Variants in GRID1 observed in about 807,000 individuals in gnomAD.
GRID1 encodes the protein glutamate receptor ionotropic, delta-1.
In GRID1, 28 loss-of-function variants were observed where a neutral mutation model predicts 98.0. That is an observed-to-expected ratio of 0.29 (90% CI 0.21 to 0.39). GRID1 has a LOEUF of 0.39. Among genes scored for constraint, GRID1 ranks in the 10% least tolerant of loss-of-function variants. The pLI is 1.00. For missense variants in GRID1, 1,111 were observed against 1,340.5 expected (o/e 0.83, Z 2.67); for synonymous variants, 553 against 538.5 (o/e 1.03, Z -0.37).
At chr10:86,127,876 C>CATCCACAG (rs558279969) in intron 4 of GRID1, among the ~76,000 whole-genome samples, 6 of 152,166 alleles carry the variant, frequency 3.9e-5, no homozygotes, top group Non-Finnish European at 8.8e-5. Context: ...AGCCAAACAC[C>CATCCACAG]ATCCACAGGC....
intron 8 of GRID1, among the ~76,000 whole-genome samples, chr10:85,738,723 G>C (rs552048352): frequency 6.6e-6 from 1 of 152,266 alleles, no homozygotes; most frequent in African/African-American, 2.4e-5. Context: ...AAAGCATTAC[G>C]CCAAGTGAAT....
intron 4 of GRID1, among the ~76,000 whole-genome samples, chr10:86,070,794 TACAG>T (rs1843792689): frequency 6.6e-6 from 1 of 152,340 alleles, no homozygotes; most frequent in South Asian, 2.1e-4. Context: ...GCCCAGCTGA[TACAG>T]AGAGTAACAG....
chr10:86,081,277 C>A (rs183298020), intron 4 of GRID1, among the ~76,000 whole-genome samples: 1 of 152,168 alleles, frequency 6.6e-6, no homozygotes, highest in East Asian at 1.9e-4. Context: ...CAAAGAGGGC[C>A]GTGCAGAGAT....
rs1554836176 is a variant in GRID1 at position 85,865,916 on chromosome 10, T to TATATATATATATATATAC, written c.951+3093_951+3094insGTATATATATATATATAT. ...ATAAAGTGTTTTACATATATACATATATATATATATATATATATATATATA... is the reference window on the plus strand; with the variant it reads ...ATAAAGTGTTTTACATATATACATATATATATATATATATATACATATATATATATATATATATATATA... On this transcript the variant is annotated intron_variant, in intron 6 of 15. Transcript: ENST00000327946. Among the ~76,000 whole-genome samples, 580 of 83,016 alleles carry TATATATATATATATATAC rather than the reference T, an allele frequency of 7.0e-3. 29 individuals carry two copies. In the East Asian group the frequency reaches 0.13, roughly 18 times the overall value. 54.5% of individuals were successfully genotyped at this position (83,016 alleles called of 152,430 possible).
intron 4 of GRID1, among the ~76,000 whole-genome samples, chr10:85,968,524 T>C (rs923065535): frequency 4.0e-5 from 6 of 149,842 alleles, no homozygotes. Context: ...TTCAAATGTA[T>C]AAATATGCAA....
rs116389186 is a variant in GRID1 at position 85,730,397 on chromosome 10, G to A, written c.1234-783C>T. Among the ~76,000 whole-genome samples the A allele has an allele frequency of 3.1e-3, 465 of 152,268 alleles. 3 individuals are homozygous for A. Among genetic ancestry groups the A allele is most frequent in the African/African-American group, 0.011 (443 of 41,556 alleles). ...ACGACAAAACTTTTGTCTGGGAAACGATTCTCGACTATTAATGGGGAAGAC... is the reference window on the plus strand; with the variant it reads ...ACGACAAAACTTTTGTCTGGGAAACAATTCTCGACTATTAATGGGGAAGAC... On this transcript the variant is annotated intron_variant, in intron 8 of 15. Coordinates refer to ENST00000327946, the MANE Select transcript of GRID1 (RefSeq NM_017551.3).
chr10:86,330,876 C>T lies in GRID1; in HGVS notation c.235+33065G>A, dbSNP rs563380497. 1.2e-4 allele frequency among the ~76,000 whole-genome samples: 18 copies of T among 152,334 alleles called. No individual in the cohort carries two copies. In the South Asian group the frequency reaches 2.5e-3, roughly 21 times the overall value. Reference sequence around the variant, plus strand: ...GGCAGGTGATGGCTCATCTCACAGACGTCACCTTGCAGGAGCTTAGCCTCA... The same window carrying T: ...GGCAGGTGATGGCTCATCTCACAGATGTCACCTTGCAGGAGCTTAGCCTCA... On this transcript the variant is annotated intron_variant, in intron 2 of 15. Coordinates refer to ENST00000327946, the MANE Select transcript of GRID1 (RefSeq NM_017551.3).
chr10:86,075,624 T>C (rs951364098), intron 4 of GRID1, among the ~76,000 whole-genome samples: 1 of 152,114 alleles, frequency 6.6e-6, no homozygotes, highest in Non-Finnish European at 1.5e-5. Context: ...CACAGCAAGG[T>C]TCCTCCAGGT....
chr10:85,720,665 AAAG>A (rs1451985279), intron 12 of GRID1, among the ~76,000 whole-genome samples: 1 of 151,506 alleles, frequency 6.6e-6, no homozygotes, highest in Non-Finnish European at 1.5e-5. Context: ...AAAGAAAAGA[AAAG>A]AAGAGAAAAA....
intron 7 of GRID1, among the ~76,000 whole-genome samples, chr10:85,854,956 C>T (rs910838781): frequency 6.6e-6 from 1 of 152,200 alleles, no homozygotes; most frequent in Non-Finnish European, 1.5e-5. Flanking sequence ...TTAGTCCTCC[C>T]CTTGCAATCA....
intron 3 of GRID1, among the ~76,000 whole-genome samples, chr10:86,190,416 T>C (rs889894275): frequency 1.1e-4 from 17 of 152,044 alleles, no homozygotes; most frequent in Non-Finnish European, 2.2e-4. Flanking sequence ...CCACAACAGG[T>C]GTGGGGGCCC....
intron 8 of GRID1, among the ~76,000 whole-genome samples, chr10:85,736,989 C>T (rs1040009708): frequency 5.9e-5 from 9 of 152,210 alleles, no homozygotes; most frequent in African/African-American, 2.2e-4. Flanking sequence ...AGCCAATGAA[C>T]CTGGGCCTTG....
At chr10:86,139,357 A>G (rs566932791) in intron 3 of GRID1, among the ~76,000 whole-genome samples, 10 of 152,168 alleles carry the variant, frequency 6.6e-5, no homozygotes, top group African/African-American at 2.4e-4. Context: ...TTCAGGTCAC[A>G]TTTGCTGGCA....
rs60119755 is a variant in GRID1, at chr10:85,895,001, C to CAAAAAA, written c.780+21179_780+21184dup. Among the ~76,000 whole-genome samples the CAAAAAA allele has an allele frequency of 1.3e-4, 13 of 103,896 alleles. No homozygotes were observed. In the South Asian group the frequency reaches 4.3e-3, roughly 34 times the overall value. The allele number at this position is 103,896 out of a possible 152,430, so 68.2% of individuals were successfully genotyped here. ...ACAGCCTTCAACAAACTGGGACTCTCAAAAAAAAAAAAAAAATATATATAT... is the reference window on the plus strand; with the variant it reads ...ACAGCCTTCAACAAACTGGGACTCTCAAAAAAAAAAAAAAAAAAAAAATATATATAT... On this transcript the variant is annotated intron_variant, in intron 5 of 15. Coordinates refer to ENST00000327946, the MANE Select transcript of GRID1 (RefSeq NM_017551.3).
At chr10:86,280,243 G>A (rs1847337711) in intron 2 of GRID1, among the ~76,000 whole-genome samples, 1 of 152,098 alleles carries the variant, frequency 6.6e-6, no homozygotes, top group African/African-American at 2.4e-5. Flanking sequence ...AAACTCAATT[G>A]TATATTACAA....
At chr10:85,694,609 T>A (rs977063979) in intron 12 of GRID1, among the ~76,000 whole-genome samples, 3 of 126,560 alleles carry the variant, frequency 2.4e-5, no homozygotes, top group African/African-American at 8.6e-5. Context: ...TATAATGGAA[T>A]ATTATTCAGC....
intron 3 of GRID1, among the ~76,000 whole-genome samples, chr10:86,183,147 C>A (rs749323954): frequency 9.2e-5 from 14 of 152,152 alleles, no homozygotes; most frequent in Non-Finnish European, 1.8e-4. Flanking sequence ...CAGGCAACCA[C>A]TGATCTGCAA....
chr10:86,154,030 C>T (rs987685213), intron 3 of GRID1, among the ~76,000 whole-genome samples: 11 of 152,166 alleles, frequency 7.2e-5, no homozygotes, highest in Non-Finnish European at 1.2e-4. Flanking sequence ...CATCACAGGC[C>T]GCCGGAAGGC....
intron 13 of GRID1, among the ~76,000 whole-genome samples, chr10:85,623,466 C>T (rs2132525690): frequency 6.6e-6 from 1 of 152,284 alleles, no homozygotes; most frequent in East Asian, 1.9e-4. Flanking sequence ...TTCCACGTGG[C>T]CCCAAATAAT....
Sources: allele counts gnomAD v4.1 joint callset (sites outside exome capture counted in the v4.1 genomes callset), GRCh38; gene constraint gnomAD v4.1.1; transcripts MANE v1.5; gene names NCBI Gene and HGNC (gene_info 2026-07-23, HGNC 2026-07-21).